The following CMSS1 variants were observed in gnomAD, a reference collection of about 807,000 sequenced individuals.
The protein encoded by CMSS1 is cms1 ribosomal small subunit homolog, also known as protein CMSS1.
Under a neutral mutation model 43.5 loss-of-function variants are expected in CMSS1, and 33 were observed. The ratio of observed to expected loss-of-function variants is 0.76; its 90% confidence interval spans 0.57 to 1.01. CMSS1 has a LOEUF of 1.01. CMSS1 is among the 50% of genes least tolerant of loss of function. CMSS1 has a pLI of 0.00. For synonymous variants in CMSS1, 115 were observed against 117.2 expected (o/e 0.98, Z 0.12); for missense variants, 313 against 326.4 (o/e 0.96, Z 0.32).
intron 1 of CMSS1, among the ~76,000 whole-genome samples, chr3:99,913,142 C>G (rs1359286226): frequency 6.6e-6 from 1 of 152,198 alleles, no homozygotes; most frequent in Non-Finnish European, 1.5e-5. Flanking sequence ...TTCTAGCACC[C>G]TCATCTCTGA....
At chr3:100,125,340 C>T (rs1435422146) in intron 1 of CMSS1, among the ~76,000 whole-genome samples, 1 of 152,134 alleles carries the variant, frequency 6.6e-6, no homozygotes, top group Admixed American at 6.5e-5. Context: ...CATCTGATCC[C>T]TCACTTAGAA....
intron 1 of CMSS1, chr3:99,931,141 A>G (rs1707469974): frequency 2.3e-6 from 2 of 871,174 alleles, no homozygotes; most frequent in Admixed American, 4.8e-5. Context: ...CACAGCCCCA[A>G]AGTCAATCTT....
chr3:100,104,927 G>A (rs761913041), intron 1 of CMSS1, among the ~76,000 whole-genome samples: 1 of 152,024 alleles, frequency 6.6e-6, no homozygotes, highest in Non-Finnish European at 1.5e-5. Context: ...TCTTCTGTCT[G>A]TAACAGCCAA....
intron 1 of CMSS1, among the ~76,000 whole-genome samples, chr3:99,847,288 TTAAG>T (rs1943408121): frequency 6.6e-6 from 1 of 150,914 alleles, no homozygotes; most frequent in Admixed American, 6.6e-5. Flanking sequence ...AGCACCTACA[TTAAG>T]TAATTCAAAC....
chr3:100,135,438 A>ATATGTGTGTG (rs1491195525), intron 1 of CMSS1, among the ~76,000 whole-genome samples: 1 of 120,734 alleles, frequency 8.3e-6, no homozygotes, highest in African/African-American at 3.3e-5. Flanking sequence ...GTGTGTGTGC[A>ATATGTGTGTG]TGTGTGTGTG....
intron 1 of CMSS1, among the ~76,000 whole-genome samples, chr3:99,983,414 ATATATGTATGTATG>A (rs1559713423): frequency 1.7e-3 from 158 of 95,010 alleles, no homozygotes; most frequent in African/African-American, 6.2e-3. Flanking sequence ...ATATATATAT[ATATATGTATGTATG>A]TATGTATATA....
chr3:100,152,446 T>C (rs887058266), intron 2 of CMSS1, among the ~76,000 whole-genome samples: 2 of 152,162 alleles, frequency 1.3e-5, no homozygotes, highest in African/African-American at 4.8e-5. Flanking sequence ...TTCTCTACCT[T>C]GGGCCCTTGC....
At chr3:99,893,077 T>C (rs1479911363) in intron 1 of CMSS1, among the ~76,000 whole-genome samples, 4 of 152,086 alleles carry the variant, frequency 2.6e-5, no homozygotes, top group Admixed American at 2.0e-4. Context: ...TCTCAAGTGT[T>C]ACTGGGAAGA....
At chr3:99,848,174 G>C in intron 1 of CMSS1, 1 of 1,537,034 alleles carries the variant, frequency 6.5e-7, no homozygotes, top group South Asian at 1.3e-5. Context: ...CCTTCCCAAA[G>C]TACGAGTTCA....
chr3:99,939,811 C>T (rs970516210), intron 1 of CMSS1, among the ~76,000 whole-genome samples: 1 of 152,188 alleles, frequency 6.6e-6, no homozygotes, highest in Non-Finnish European at 1.5e-5. Context: ...TCCTCGTCTG[C>T]AAGATTCAGG....
Position 99,953,238 on chromosome 3 carries a change from G to A in CMSS1, c.64+135195G>A, listed in dbSNP as rs535469367. On this transcript the variant is annotated intron_variant, in intron 1 of 9. Coordinates refer to ENST00000421999, the MANE Select transcript of CMSS1 (RefSeq NM_032359.4). Reference sequence around the variant, plus strand: ...TTTATTTATATTGGTTAAGTTATTGGTTAAGCTATAACCAATCGTTTCTTT... The same window carrying A: ...TTTATTTATATTGGTTAAGTTATTGATTAAGCTATAACCAATCGTTTCTTT... Among the ~76,000 whole-genome samples the A allele has an allele frequency of 5.9e-5, 9 of 151,990 alleles. No homozygotes were observed. In the South Asian group the frequency reaches 1.9e-3, roughly 32 times the overall value.
intron 1 of CMSS1, among the ~76,000 whole-genome samples, chr3:100,126,987 G>A (rs1377057399): frequency 6.7e-6 from 1 of 150,256 alleles, no homozygotes; most frequent in Non-Finnish European, 1.5e-5. Flanking sequence ...GACAGAGTGA[G>A]ACTCCGTCTC....
At chr3:99,842,805 T>G (rs1363289870) in intron 1 of CMSS1, among the ~76,000 whole-genome samples, 1 of 152,214 alleles carries the variant, frequency 6.6e-6, no homozygotes, top group Non-Finnish European at 1.5e-5. Flanking sequence ...CCTGATGGAA[T>G]GTTGACAGAT....
chr3:100,034,342 T>C (rs530230385), intron 1 of CMSS1, among the ~76,000 whole-genome samples: 1 of 152,198 alleles, frequency 6.6e-6, no homozygotes, highest in Non-Finnish European at 1.5e-5. Context: ...AGAAGTTATT[T>C]GGTCTGTATT....
intron 1 of CMSS1, among the ~76,000 whole-genome samples, chr3:99,857,521 T>TG (rs1422738345): frequency 2.2e-4 from 33 of 152,378 alleles, no homozygotes; most frequent in Middle Eastern, 6.8e-3. Flanking sequence ...TGGACAAATA[T>TG]GTTTGTTTAT....
intron 1 of CMSS1, among the ~76,000 whole-genome samples, chr3:100,117,322 C>T (rs557489990): frequency 4.9e-4 from 75 of 152,064 alleles, no homozygotes; most frequent in African/African-American, 1.6e-3. Context: ...TTACAAAAAA[C>T]GGAACTGAGG....
In CMSS1 at chr3:100,004,679, A is replaced by T. The variant is rs1709938503; in HGVS notation, c.65-142294A>T. Among the ~76,000 whole-genome samples the T allele has an allele frequency of 2.0e-5, 3 of 152,324 alleles. 1 individual carries two copies. In the South Asian group the frequency reaches 6.2e-4, roughly 32 times the overall value. On this transcript the variant is annotated intron_variant, in intron 1 of 9. Coordinates refer to ENST00000421999, the MANE Select transcript of CMSS1 (RefSeq NM_032359.4). ...CGGCTTCATGAAGAGAGAGCACCAT[A>T]GGTGGGGGTTGAGGAATGAGAACTG...
chr3:99,874,075 T>C (rs1705381337), intron 1 of CMSS1, among the ~76,000 whole-genome samples: 1 of 152,342 alleles, frequency 6.6e-6, no homozygotes, highest in African/African-American at 2.4e-5. Context: ...AGAGGTCTTA[T>C]GTGATTGTTC....
intron 1 of CMSS1, among the ~76,000 whole-genome samples, chr3:99,899,612 T>C (rs1420951758): frequency 6.6e-6 from 1 of 152,234 alleles, no homozygotes; most frequent in Admixed American, 6.5e-5. Context: ...AAACTATTTC[T>C]AGGACAAAGT....
Sources: gnomAD v4.1 joint callset for allele counts (sites outside exome capture counted in the v4.1 genomes callset) on GRCh38, gnomAD v4.1.1 for gene constraint, MANE v1.5 for transcripts, NCBI Gene and HGNC (gene_info 2026-07-23, HGNC 2026-07-21) for gene names.